Variants in ZMAT4 observed in about 807,000 individuals in gnomAD.
ZMAT4 encodes zinc finger matrin-type protein 4.
ZMAT4 carries 17 observed loss-of-function variants against 28.7 expected under a neutral mutation model. That is an observed-to-expected ratio of 0.59 (90% CI 0.41 to 0.89). The LOEUF (loss-of-function observed/expected upper bound fraction) is 0.89. ZMAT4 is among the 40% of genes least tolerant of loss of function. ZMAT4 has a pLI of 0.00. For synonymous variants in ZMAT4, 117 were observed against 109.2 expected (o/e 1.07, Z -0.44); for missense variants, 240 against 283.8 (o/e 0.85, Z 1.11).
At chr8:40,580,010 C>CTTT (rs60027647) in intron 6 of ZMAT4, among the ~76,000 whole-genome samples, 1,321 of 118,666 alleles carry the variant, frequency 0.011, 39 homozygotes, top group Non-Finnish European at 0.018. Flanking sequence ...ATGTATTCAT[C>CTTT]TTTTTTTTTT....
chr8:40,532,175 G>C lies in ZMAT4; in HGVS notation c.*48C>G, dbSNP rs1802711425. 6.5e-7 allele frequency: 1 copy of C among 1,543,692 alleles called. No homozygotes were observed. The highest frequency in any genetic ancestry group is 8.8e-7 in the Non-Finnish European group (1 of 1,142,302). On this transcript the variant is annotated 3_prime_UTR_variant, in exon 7 of 7. Coordinates refer to ENST00000297737, the MANE Select transcript of ZMAT4 (RefSeq NM_024645.3). The stretch of plus-strand genomic sequence containing the variant: ...GGTGGTTGATAAGCAATTCTCCACG[G>C]CAGAGAAATGCTAATGTTTTGTTCT...
chr8:40,674,582 G>A, intron 5 of ZMAT4, 122 bp downstream of exon 5: 1 of 736,974 alleles, frequency 1.4e-6, no homozygotes, highest in East Asian at 2.5e-5. Flanking sequence ...CATTTCTTTT[G>A]GGTGAGCCTC....
chr8:40,816,694 GT>G (rs1815555065), intron 2 of ZMAT4, among the ~76,000 whole-genome samples: 1 of 152,224 alleles, frequency 6.6e-6, no homozygotes, highest in South Asian at 2.1e-4. Context: ...CATGGATAGA[GT>G]TCTAGAAGAA....
intron 6 of ZMAT4, among the ~76,000 whole-genome samples, chr8:40,543,909 T>A (rs528989870): frequency 4.2e-4 from 64 of 152,288 alleles, no homozygotes; most frequent in Middle Eastern, 3.4e-3. Context: ...CTTCCAAGTG[T>A]CCAGGGAATT....
chr8:40,796,136 G>A (rs550390318), intron 2 of ZMAT4, among the ~76,000 whole-genome samples: 4 of 152,212 alleles, frequency 2.6e-5, no homozygotes, highest in East Asian at 1.9e-4. Flanking sequence ...GGACGTTTCC[G>A]CTCCATATTT....
intron 3 of ZMAT4, among the ~76,000 whole-genome samples, chr8:40,728,755 C>A (rs1811410460): frequency 6.6e-6 from 1 of 152,166 alleles, no homozygotes; most frequent in Non-Finnish European, 1.5e-5. Flanking sequence ...TGAGTTTTGA[C>A]AACTGTTACA....
In ZMAT4 at chr8:40,740,790, TG is replaced by T. The variant is rs1317750566; in HGVS notation, c.192+26850del. On this transcript the variant is annotated intron_variant, in intron 3 of 6. Transcript: ENST00000297737. ...CTCCTTACACATAAAACGAACGAACTGGGGGCTGGTGTTGAAGGACTGAGAT... is the reference window on the plus strand; with the variant it reads ...CTCCTTACACATAAAACGAACGAACTGGGGCTGGTGTTGAAGGACTGAGAT... 2.0e-5 allele frequency among the ~76,000 whole-genome samples: 3 copies of T among 152,156 alleles called. No individual in the cohort carries two copies. In the East Asian group the frequency reaches 5.8e-4, roughly 29 times the overall value.
intron 5 of ZMAT4, among the ~76,000 whole-genome samples, chr8:40,609,760 C>T (rs10504032): frequency 0.21 from 31,301 of 152,070 alleles, 3,343 homozygotes; most frequent in Middle Eastern, 0.26. Context: ...TGCTGTATCA[C>T]TGCTGTAAAT....
intron 3 of ZMAT4, among the ~76,000 whole-genome samples, chr8:40,700,707 A>G (rs1398252983): frequency 6.6e-6 from 1 of 152,078 alleles, no homozygotes. Context: ...TGTAGGAGTG[A>G]GCCACTGTAC....
At chr8:40,788,640 C>T (rs1311462703) in intron 2 of ZMAT4, among the ~76,000 whole-genome samples, 1 of 151,928 alleles carries the variant, frequency 6.6e-6, no homozygotes, top group Admixed American at 6.6e-5. Flanking sequence ...CTAAGAAATT[C>T]TACCAAACAT....
At chr8:40,609,261 G>C (rs538465221) in intron 5 of ZMAT4, among the ~76,000 whole-genome samples, 1 of 152,288 alleles carries the variant, frequency 6.6e-6, no homozygotes, top group Non-Finnish European at 1.5e-5. Flanking sequence ...ACTCTATAAA[G>C]TATGGGAAAA....
At chr8:40,817,199 A>G (rs1206279811) in intron 2 of ZMAT4, among the ~76,000 whole-genome samples, 1 of 152,226 alleles carries the variant, frequency 6.6e-6, no homozygotes, top group African/African-American at 2.4e-5. Context: ...TCTAAAAAAT[A>G]AATCGGAAGC....
chr8:40,657,960 A>C (rs1045438485), intron 5 of ZMAT4, among the ~76,000 whole-genome samples: 2 of 152,134 alleles, frequency 1.3e-5, no homozygotes, highest in Non-Finnish European at 2.9e-5. Context: ...ACAGTGTTTT[A>C]ATTTTTAAAA....
chr8:40,662,002 A>T (rs1808220674), intron 5 of ZMAT4, among the ~76,000 whole-genome samples: 1 of 152,100 alleles, frequency 6.6e-6, no homozygotes, highest in African/African-American at 2.4e-5. Flanking sequence ...TTTGAGACAG[A>T]GTCTCACTCT....
chr8:40,733,146 C>A (rs1811617146), intron 3 of ZMAT4, among the ~76,000 whole-genome samples: 1 of 152,056 alleles, frequency 6.6e-6, no homozygotes, highest in African/African-American at 2.4e-5. Flanking sequence ...GACCTCCATA[C>A]TTTTAACTTA....
chr8:40,796,725 T>A (rs1294477679), intron 2 of ZMAT4, among the ~76,000 whole-genome samples: 1 of 152,214 alleles, frequency 6.6e-6, no homozygotes, highest in African/African-American at 2.4e-5. Flanking sequence ...TGAAACATTT[T>A]TCACAGTATT....
At chr8:40,882,400 C>G (rs1330016716) in intron 1 of ZMAT4, among the ~76,000 whole-genome samples, 1 of 152,168 alleles carries the variant, frequency 6.6e-6, no homozygotes, top group Non-Finnish European at 1.5e-5. Flanking sequence ...TCTCCGGTGT[C>G]TTTCTTCCAA....
chr8:40,659,289 T>G (rs1808078114), intron 5 of ZMAT4, among the ~76,000 whole-genome samples: 1 of 152,034 alleles, frequency 6.6e-6, no homozygotes, highest in African/African-American at 2.4e-5. Context: ...GTCAATAAAT[T>G]TAGTAGACAT....
intron 5 of ZMAT4, among the ~76,000 whole-genome samples, chr8:40,661,343 A>T (rs1042242807): frequency 6.6e-6 from 1 of 152,152 alleles, no homozygotes; most frequent in East Asian, 1.9e-4. Context: ...CAGGCAATCC[A>T]CCTGCCTTGC....
Sources: allele counts gnomAD v4.1 joint callset (sites outside exome capture counted in the v4.1 genomes callset), GRCh38; gene constraint gnomAD v4.1.1; transcripts MANE v1.5; gene names NCBI Gene and HGNC (gene_info 2026-07-23, HGNC 2026-07-21).